The following DCC variants were observed in gnomAD, a reference collection of about 807,000 sequenced individuals.
The protein encoded by DCC is netrin receptor DCC.
In DCC, 58 loss-of-function variants were observed where a neutral mutation model predicts 172.5. That is an observed-to-expected ratio of 0.34 (90% CI 0.27 to 0.42). The LOEUF (loss-of-function observed/expected upper bound fraction) is 0.42, where lower values mean the gene tolerates loss of function less well. Among genes scored for constraint, DCC ranks in the 10% least tolerant of loss-of-function variants. The probability of loss-of-function intolerance (pLI) is 1.00; values close to 1 mark genes in which losing one functional copy is unlikely to be tolerated. For synonymous variants in DCC, 709 were observed against 644.5 expected (o/e 1.10, Z -1.52); for missense variants, 1,740 against 1,791.0 (o/e 0.97, Z 0.51).
intron 4 of DCC, among the ~76,000 whole-genome samples, chr18:52,924,716 C>G (rs2040175224): frequency 6.6e-6 from 1 of 151,960 alleles, no homozygotes; most frequent in Non-Finnish European, 1.5e-5. Context: ...TAGATAACAA[C>G]AAGGCATGGC....
intron 1 of DCC, among the ~76,000 whole-genome samples, chr18:52,693,507 A>G (rs1017981717): frequency 4.7e-5 from 7 of 150,004 alleles, no homozygotes; most frequent in African/African-American, 1.7e-4. Context: ...ATACAATACA[A>G]TATAACATAT....
At chr18:52,908,558 G>T (rs2039923833) in intron 3 of DCC, among the ~76,000 whole-genome samples, 1 of 152,140 alleles carries the variant, frequency 6.6e-6, no homozygotes, top group Non-Finnish European at 1.5e-5. Context: ...CTGTTTTCCA[G>T]TGGTATTAAG....
chr18:52,691,730 G>T (rs2035932535), intron 1 of DCC, among the ~76,000 whole-genome samples: 1 of 152,108 alleles, frequency 6.6e-6, no homozygotes, highest in African/African-American at 2.4e-5. Context: ...AGGTACTGAA[G>T]ATTAGAATGT....
chr18:52,921,581 C>T (rs1234345643), intron 3 of DCC, among the ~76,000 whole-genome samples: 2 of 151,772 alleles, frequency 1.3e-5, no homozygotes, highest in African/African-American at 4.8e-5. Context: ...TGACTGTAAT[C>T]CCAGCTATTT....
At chr18:52,654,215 G>A (rs2035200772) in intron 1 of DCC, among the ~76,000 whole-genome samples, 1 of 152,228 alleles carries the variant, frequency 6.6e-6, no homozygotes, top group Admixed American at 6.5e-5. Context: ...CATACAGTTT[G>A]GTTATGGAGA....
intron 15 of DCC, among the ~76,000 whole-genome samples, chr18:53,342,954 A>G (rs1440514564): frequency 2.2e-5 from 3 of 134,308 alleles, no homozygotes; most frequent in African/African-American, 7.6e-5. Flanking sequence ...GATGTATTAT[A>G]TAATGTATAT....
At chr18:52,428,617 T>C (rs1271296705) in intron 1 of DCC, among the ~76,000 whole-genome samples, 3 of 152,140 alleles carry the variant, frequency 2.0e-5, no homozygotes, top group African/African-American at 7.2e-5. Flanking sequence ...ATATAAATTA[T>C]TATTGTCATC....
chr18:53,177,345 A>C (rs1211888687), intron 8 of DCC, among the ~76,000 whole-genome samples: 1 of 152,086 alleles, frequency 6.6e-6, no homozygotes, highest in Non-Finnish European at 1.5e-5. Flanking sequence ...AAAAAGAAAA[A>C]AATTATTTAC....
At chr18:52,411,186 G>T (rs1438020825) in intron 1 of DCC, among the ~76,000 whole-genome samples, 1 of 152,094 alleles carries the variant, frequency 6.6e-6, no homozygotes, top group Non-Finnish European at 1.5e-5. Flanking sequence ...TTCATATGCG[G>T]ACTGCTTTAA....
intron 5 of DCC, among the ~76,000 whole-genome samples, chr18:53,002,730 C>T (rs1046748792): frequency 1.3e-5 from 2 of 152,052 alleles, no homozygotes; most frequent in African/African-American, 4.8e-5. Context: ...CATATGTATA[C>T]ATGTGCCAGA....
At chr18:52,720,358 A>T (rs893717369) in intron 1 of DCC, among the ~76,000 whole-genome samples, 1 of 152,186 alleles carries the variant, frequency 6.6e-6, no homozygotes, top group East Asian at 1.9e-4. Context: ...AATTTTTGAA[A>T]TTATTTTCTG....
At chr18:52,648,011 C>T (rs981731292) in intron 1 of DCC, among the ~76,000 whole-genome samples, 4 of 152,056 alleles carry the variant, frequency 2.6e-5, no homozygotes, top group African/African-American at 9.7e-5. Context: ...ATGTGCTGGC[C>T]CTTAGGGCTG....
chr18:52,782,201 G>A (rs116156488), intron 2 of DCC, among the ~76,000 whole-genome samples: 1,709 of 152,104 alleles, frequency 0.011, 44 homozygotes, highest in African/African-American at 0.039. Flanking sequence ...ATTTTCAAAG[G>A]ACCCCTATAT....
intron 5 of DCC, among the ~76,000 whole-genome samples, chr18:53,000,335 C>T (rs1465771716): frequency 1.3e-5 from 2 of 152,046 alleles, no homozygotes; most frequent in Non-Finnish European, 2.9e-5. Context: ...CTTCAGCCCC[C>T]TTCACATTAT....
At chr18:52,488,145 C>T (rs1317284852) in intron 1 of DCC, among the ~76,000 whole-genome samples, 4 of 152,110 alleles carry the variant, frequency 2.6e-5, no homozygotes, top group Non-Finnish European at 4.4e-5. Flanking sequence ...TGTGTTTATT[C>T]TTGGTTGGTT....
At chr18:52,417,605 G>T (rs930632382) in intron 1 of DCC, among the ~76,000 whole-genome samples, 3 of 151,864 alleles carry the variant, frequency 2.0e-5, no homozygotes, top group African/African-American at 7.3e-5. Context: ...TTCCCTTCTC[G>T]CTTTATTTCA....
intron 1 of DCC, among the ~76,000 whole-genome samples, chr18:52,518,012 A>G (rs2031694193): frequency 6.6e-6 from 1 of 152,178 alleles, no homozygotes; most frequent in Non-Finnish European, 1.5e-5. Flanking sequence ...GCTGTTAAAT[A>G]CATTCTTACA....
intron 1 of DCC, among the ~76,000 whole-genome samples, chr18:52,342,996 A>G (rs2144222862): frequency 6.6e-6 from 1 of 152,374 alleles, no homozygotes; most frequent in Admixed American, 6.5e-5. Context: ...GAAGGGATAC[A>G]TACACACACA....
intron 12 of DCC, among the ~76,000 whole-genome samples, chr18:53,250,121 C>T (rs1034705125): frequency 6.6e-6 from 1 of 151,736 alleles, no homozygotes; most frequent in East Asian, 1.9e-4. Context: ...GAGAACTGTT[C>T]CGTTTTTTTA....
Sources: allele counts gnomAD v4.1 joint callset (sites outside exome capture counted in the v4.1 genomes callset), GRCh38; gene constraint gnomAD v4.1.1; transcripts MANE v1.5; gene names NCBI Gene and HGNC (gene_info 2026-07-23, HGNC 2026-07-21).